LRBA: variants seen among roughly 807,000 people sequenced by gnomAD.
The protein encoded by LRBA is lipopolysaccharide-responsive and beige-like anchor protein.
LRBA carries 176 observed loss-of-function variants against 330.0 expected under a neutral mutation model. That is an observed-to-expected ratio of 0.53 (90% CI 0.47 to 0.60). LRBA has a LOEUF of 0.60. Among genes scored for constraint, LRBA ranks in the 20% least tolerant of loss-of-function variants. LRBA has a pLI of 0.00. For missense variants in LRBA, 3,259 were observed against 3,444.8 expected (o/e 0.95, Z 1.35); for synonymous variants, 1,230 against 1,193.0 (o/e 1.03, Z -0.64).
At chr4:150,880,409 A>ACCT (rs1032216777) in intron 17 of LRBA, among the ~76,000 whole-genome samples, 2 of 152,002 alleles carry the variant, frequency 1.3e-5, no homozygotes, top group Non-Finnish European at 2.9e-5. Flanking sequence ...AATCCCAGCT[A>ACCT]CCTGGGAGGC....
intron 34 of LRBA, among the ~76,000 whole-genome samples, chr4:150,795,874 C>T (rs924479744): frequency 4.0e-5 from 6 of 151,712 alleles, no homozygotes; most frequent in Admixed American, 6.6e-5. Flanking sequence ...AAAAATAACA[C>T]AAAAAGAATA....
intron 34 of LRBA, among the ~76,000 whole-genome samples, chr4:150,784,470 C>T (rs1470199249): frequency 6.6e-6 from 1 of 152,186 alleles, no homozygotes; most frequent in Non-Finnish European, 1.5e-5. Context: ...CACATATCCC[C>T]ATGTGTGTAG....
chr4:150,484,626 A>G (rs1463077508), intron 42 of LRBA, among the ~76,000 whole-genome samples: 1 of 151,064 alleles, frequency 6.6e-6, no homozygotes, highest in Non-Finnish European at 1.5e-5. Flanking sequence ...TCTATCATTT[A>G]TTTTTATTAT....
At chr4:150,626,000 T>A (rs558237292) in intron 37 of LRBA, among the ~76,000 whole-genome samples, 54 of 147,726 alleles carry the variant, frequency 3.7e-4, no homozygotes, top group African/African-American at 9.5e-4. Context: ...CCGGATATAT[T>A]TTTTTTTTTT....
intron 47 of LRBA, among the ~76,000 whole-genome samples, chr4:150,381,011 A>C (rs1473139705): frequency 7.1e-6 from 1 of 141,664 alleles, no homozygotes; most frequent in Admixed American, 7.1e-5. Context: ...AAAAAAAAGT[A>C]TATTTTGTTT....
At chr4:150,997,338 T>C (rs1166728066) in intron 2 of LRBA, among the ~76,000 whole-genome samples, 1 of 152,248 alleles carries the variant, frequency 6.6e-6, no homozygotes, top group Non-Finnish European at 1.5e-5. Flanking sequence ...AAAGTCATTG[T>C]GTCAATTTAT....
chr4:150,963,234 G>A lies in LRBA; in HGVS notation c.217-34169C>T, dbSNP rs888727478. On this transcript the variant is annotated intron_variant, in intron 2 of 56. Transcript: ENST00000651943. ...CTTTGCACGGTCTCCCTCTGATGCC[G>A]AGCCGAGGCTGGACTGTACTGCTGC... 8.8e-5 allele frequency among the ~76,000 whole-genome samples: 13 copies of A among 148,018 alleles called. No individual in the cohort carries two copies. The East Asian group carries it at 1.8e-3, about 20-fold the overall frequency.
chr4:150,265,876 C>G, intron 56 of LRBA, 64 bp from the exon 57 acceptor site: 1 of 977,654 alleles, frequency 1.0e-6, no homozygotes, highest in South Asian at 1.3e-5. Flanking sequence ...TTACTAAAAA[C>G]TGCTCTCCCC....
chr4:150,423,651 CG>C, intron 46 of LRBA: 1 of 271,674 alleles, frequency 3.7e-6, no homozygotes, highest in Admixed American at 4.8e-5. Context: ...ATCCCAGCTC[CG>C]GGTGGGCAGC....
chr4:150,487,729 T>C lies in LRBA; in HGVS notation c.6551+3A>G, dbSNP rs1450761921. The stretch of plus-strand genomic sequence containing the variant: ...TCCCTAAGTTTCTCATATAAAACAG[T>C]ACCTGGTTTGAGGCAATCCAAAACT... On this transcript the variant is annotated splice_donor_region_variant and intron_variant, in intron 42 of 56. Coordinates refer to ENST00000651943, the MANE Select transcript of LRBA (RefSeq NM_001364905.1). 6.3e-7 allele frequency: 1 copy of C among 1,575,202 alleles called. No homozygotes were observed.
intron 40 of LRBA, among the ~76,000 whole-genome samples, chr4:150,492,001 A>C (rs1489460015): frequency 6.6e-6 from 1 of 152,124 alleles, no homozygotes; most frequent in African/African-American, 2.4e-5. Flanking sequence ...ATTACAAATG[A>C]AACATTTGAT....
intron 2 of LRBA, among the ~76,000 whole-genome samples, chr4:150,941,158 A>AAT (rs905455588): frequency 5.3e-5 from 8 of 151,532 alleles, no homozygotes; most frequent in East Asian, 3.9e-4. Context: ...ATGACTTAAA[A>AAT]ATATATATAT....
At chr4:150,457,521 T>C (rs1403533231) in intron 44 of LRBA, among the ~76,000 whole-genome samples, 1 of 151,974 alleles carries the variant, frequency 6.6e-6, no homozygotes, top group Admixed American at 6.6e-5. Flanking sequence ...TAAAAAAGCA[T>C]AGTACATATT....
At chr4:150,339,844 C>CTTTTT (rs33987955) in intron 48 of LRBA, among the ~76,000 whole-genome samples, 15 of 137,076 alleles carry the variant, frequency 1.1e-4, no homozygotes, top group African/African-American at 2.1e-4. Flanking sequence ...GCTCCTTTTC[C>CTTTTT]TTTTTTTTTT....
intron 40 of LRBA, chr4:150,579,844 G>A (rs1771039953): frequency 5.1e-6 from 2 of 392,280 alleles, no homozygotes; most frequent in Non-Finnish European, 1.0e-5. Context: ...CGCGGGCCGG[G>A]CCATTCGCGA....
intron 40 of LRBA, among the ~76,000 whole-genome samples, chr4:150,570,630 A>G (rs376919528): frequency 1.1e-4 from 16 of 152,104 alleles, no homozygotes; most frequent in African/African-American, 3.6e-4. Flanking sequence ...TTGTAACTAT[A>G]AAGCATTTGT....
At position 150,754,276 on chromosome 4, in the gene LRBA, C is replaced by T. The variant is rs557075808; in HGVS notation, c.5645+7507G>A. On this transcript the variant is annotated intron_variant, in intron 35 of 56. Coordinates refer to ENST00000651943, the MANE Select transcript of LRBA (RefSeq NM_001364905.1). ...GAATAAAATAAATAAGAAACATATG[C>T]TTATCCTAATTAAGGAGAGAAAATT... Among the ~76,000 whole-genome samples, 8 of 144,844 alleles carry T rather than the reference C, an allele frequency of 5.5e-5. No homozygotes were observed. The East Asian group carries it at 1.5e-3, about 28-fold the overall frequency.
At chr4:150,951,607 T>C (rs989582063) in intron 2 of LRBA, among the ~76,000 whole-genome samples, 5 of 152,110 alleles carry the variant, frequency 3.3e-5, no homozygotes, top group Admixed American at 6.5e-5. Flanking sequence ...GACCTACCTA[T>C]AAACAACAAC....
chr4:150,602,348 T>G (rs540435644), intron 37 of LRBA, among the ~76,000 whole-genome samples: 1 of 152,310 alleles, frequency 6.6e-6, no homozygotes, highest in South Asian at 2.1e-4. Context: ...TTTGAGAAAA[T>G]AGCATTTATC....
Sources: allele counts gnomAD v4.1 joint callset (sites outside exome capture counted in the v4.1 genomes callset), GRCh38; gene constraint gnomAD v4.1.1; transcripts MANE v1.5; gene names NCBI Gene and HGNC (gene_info 2026-07-23, HGNC 2026-07-21).